Variants in ZNF479 observed in about 807,000 individuals in gnomAD.
The protein encoded by ZNF479 is zinc finger protein 479.
ZNF479 carries 15 observed loss-of-function variants against 14.7 expected under a neutral mutation model. That is an observed-to-expected ratio of 1.02 (90% CI 0.68 to 1.57). ZNF479 has a LOEUF of 1.57. Among genes scored for constraint, ZNF479 ranks in the 40% most tolerant of loss-of-function variants. ZNF479 has a pLI of 0.00. For synonymous variants in ZNF479, 145 were observed against 211.5 expected (o/e 0.69, Z 2.73); for missense variants, 506 against 615.1 (o/e 0.82, Z 1.88).
chr7:57,133,259 A>G (rs967560076), upstream of ZNF479, among the ~76,000 whole-genome samples: 45 of 152,332 alleles, frequency 3.0e-4, no homozygotes, highest in Non-Finnish European at 5.0e-4. Context: ...GACACCTGAC[A>G]GTTTAAAAAT....
intron 1 of ZNF479, among the ~76,000 whole-genome samples, 166 bp from the exon 2 acceptor site, chr7:57,126,884 G>A (rs1786191851): frequency 6.6e-6 from 1 of 152,032 alleles, no homozygotes; most frequent in Non-Finnish European, 1.5e-5. Context: ...TAACACTGAA[G>A]TATTCTCTAA....
In ZNF479 at chr7:57,126,689, T is replaced by G. The variant is rs773403889; in HGVS notation, c.69A>C (p.Ile23=). ...ATTGCCATTCCTCCAGAGAGAATTC[T>G]ATAGCTATGTCTCTGAATGTCAACA... ...MGLLTFRDIA[I]EFSLEEWQCL... Residue 23 remains isoleucine (I), a synonymous_variant, in exon 2 of 4, where the codon ATA becomes ATC. Coordinates refer to ENST00000319636, the MANE Select transcript of ZNF479 (RefSeq NM_001370129.2). 6.2e-7 allele frequency: 1 copy of G among 1,614,068 alleles called. No individual in the cohort carries two copies. The highest frequency in any genetic ancestry group is 1.1e-5 in the South Asian group (1 of 91,080).
upstream of ZNF479, among the ~76,000 whole-genome samples, chr7:57,133,137 GA>G (rs1004713736): frequency 3.3e-5 from 5 of 151,498 alleles, no homozygotes; most frequent in Non-Finnish European, 5.9e-5. Context: ...TCCTCTGAAA[GA>G]AAAAAAAATT....
In ZNF479 at chr7:57,120,837, G is replaced by A. The variant is rs1554400396; in HGVS notation, c.578C>T (p.Ser193Leu). The change falls in exon 4 of 4, where the codon TCA (serine) becomes TTA (leucine). Residue 193 changes from serine (S) to leucine (L), a missense_variant. Around this residue, in one of 3 missense-constraint regions of ZNF479, gnomAD observed 420 missense variants for 474.2 expected, o/e 0.89. Coordinates refer to ENST00000319636, the MANE Select transcript of ZNF479 (RefSeq NM_001370129.2). ...ATTTAGGTGTGAAAGCATGCAAAAT[G>A]ATTTGCCATATTTGTTACATTTGAA... Reference protein sequence around the residue: ...KHFKCNKYGKSFCMLSHLNQH... With the variant: ...KHFKCNKYGKLFCMLSHLNQH... The A allele has an allele frequency of 1.2e-6, 2 of 1,613,484 alleles. No individual in the cohort carries two copies. The highest frequency in any genetic ancestry group is 2.2e-5 in the East Asian group (1 of 44,874).
At chr7:57,125,226 A>G (rs1206120750) in intron 3 of ZNF479, among the ~76,000 whole-genome samples, 1 of 152,230 alleles carries the variant, frequency 6.6e-6, no homozygotes, top group African/African-American at 2.4e-5. Context: ...TACATCAATT[A>G]GGATGGCCAC....
At position 57,132,341 on chromosome 7, in the gene ZNF479, G is replaced by A. The variant is rs1786470756; in HGVS notation, c.-17C>T. ...TTTAGCCATAAATCTGCAGATACCT[G>A]CAGGACACAAGGACACATAGGCTTG... On this transcript the variant is annotated 5_prime_UTR_variant, in exon 1 of 4. The change creates a premature stop within an existing upstream ORF in the 5' untranslated region. Coordinates refer to ENST00000319636, the MANE Select transcript of ZNF479 (RefSeq NM_001370129.2). 1 of 1,614,066 alleles carries A rather than the reference G, an allele frequency of 6.2e-7. No homozygotes were observed. The highest frequency in any genetic ancestry group is 2.2e-5 in the East Asian group (1 of 44,874).
At chr7:57,122,537 A>C (rs1443448302) in intron 3 of ZNF479, among the ~76,000 whole-genome samples, 2 of 152,124 alleles carry the variant, frequency 1.3e-5, no homozygotes, top group Non-Finnish European at 2.9e-5. Flanking sequence ...TTATTCTTTA[A>C]AATTTGAAAA....
At chr7:57,136,015 T>TCTCTCTCTC (rs1786640769), upstream of ZNF479, among the ~76,000 whole-genome samples, 1 of 114,350 alleles carries the variant, frequency 8.7e-6, no homozygotes, top group South Asian at 2.7e-4. Flanking sequence ...CTCTCTCTCT[T>TCTCTCTCTC]TCCTTTCCTA....
chr7:57,120,070 A>T lies in ZNF479; in HGVS notation c.1345T>A (p.Ser449Thr). 3.1e-6 allele frequency: 5 copies of T among 1,613,782 alleles called. No homozygotes were observed. The highest frequency in any genetic ancestry group is 4.2e-6 in the Non-Finnish European group (5 of 1,179,936). ...CEECGKAFSL[S>T]STLTDHKRIH... The stretch of plus-strand genomic sequence containing the variant: ...CTCTTGTGGTCAGTGAGGGTTGAGG[A>T]TAAGCTAAAGGCTTTGCCACATTCT... The change falls in exon 4 of 4, where the codon TCC (serine) becomes ACC (threonine). Residue 449 changes from serine to threonine, a missense_variant. Physicochemically the swap from Ser to Thr is moderately conservative, Grantham distance 58. Coordinates refer to ENST00000319636, the MANE Select transcript of ZNF479 (RefSeq NM_001370129.2).
chr7:57,122,841 C>A (rs1273450837), intron 3 of ZNF479, among the ~76,000 whole-genome samples: 6 of 151,924 alleles, frequency 3.9e-5, no homozygotes, highest in Non-Finnish European at 5.9e-5. Flanking sequence ...ATTATTATGT[C>A]TATCTATATG....
intron 1 of ZNF479, among the ~76,000 whole-genome samples, chr7:57,130,366 CA>C (rs1786361320): frequency 6.6e-6 from 1 of 151,844 alleles, no homozygotes; most frequent in South Asian, 2.1e-4. Flanking sequence ...CCAGCTACTC[CA>C]AAGGCTGAGG....
At chr7:57,127,301 G>A (rs1215527054) in intron 1 of ZNF479, among the ~76,000 whole-genome samples, 1 of 152,130 alleles carries the variant, frequency 6.6e-6, no homozygotes, top group Admixed American at 6.5e-5. Flanking sequence ...GGGATGGCAG[G>A]CATGAGCCAC....
chr7:57,126,076 C>A lies in ZNF479; in HGVS notation c.204G>T (p.Leu68=), dbSNP rs754129214. Residue 68 remains leucine (L), a synonymous_variant, in exon 3 of 4, where the codon CTG becomes CTT. Coordinates refer to ENST00000319636, the MANE Select transcript of ZNF479 (RefSeq NM_001370129.2). ...AVSKPDLITC[L]EQNKESQNIK... The stretch of plus-strand genomic sequence containing the variant: ...TATTCTGGGACTCTTTATTTTGCTC[C>A]AGACAGGTGATCAAGTCTGGCTTAG... The A allele has an allele frequency of 6.2e-7, 1 of 1,603,480 alleles. No individual in the cohort carries two copies. The highest frequency in any genetic ancestry group is 1.3e-5 in the African/African-American group (1 of 74,700).
chr7:57,128,027 C>A (rs978417934), intron 1 of ZNF479, among the ~76,000 whole-genome samples: 27 of 151,524 alleles, frequency 1.8e-4, no homozygotes, highest in African/African-American at 5.6e-4. Context: ...CCTCAACTTC[C>A]TGAGTTCAAG....
intron 3 of ZNF479, among the ~76,000 whole-genome samples, chr7:57,122,851 G>A (rs1342594333): frequency 6.6e-6 from 1 of 151,906 alleles, no homozygotes; most frequent in Admixed American, 6.6e-5. Context: ...CTATCTATAT[G>A]TATATGCATA....
upstream of ZNF479, chr7:57,132,461 C>G (rs1483938407): frequency 7.5e-7 from 1 of 1,339,822 alleles, no homozygotes; most frequent in East Asian, 2.4e-5. Context: ...CGGAAGTAGC[C>G]TGTTCTTTCC....
chr7:57,135,114 G>T (rs1308322187), upstream of ZNF479, among the ~76,000 whole-genome samples: 1 of 152,182 alleles, frequency 6.6e-6, no homozygotes, highest in Admixed American at 6.5e-5. Context: ...GAAATAGACT[G>T]AATTACCAAT....
intron 1 of ZNF479, 35 bp from the exon 2 acceptor site, chr7:57,126,753 C>T: frequency 6.2e-7 from 1 of 1,613,608 alleles, no homozygotes; most frequent in Non-Finnish European, 8.5e-7. Context: ...CTCATGAACA[C>T]ACAAGCACTT....
upstream of ZNF479, among the ~76,000 whole-genome samples, chr7:57,136,716 C>T (rs939255672): frequency 2.6e-5 from 4 of 152,122 alleles, no homozygotes; most frequent in Non-Finnish European, 4.4e-5. Context: ...AGTGGCAGCC[C>T]GGGTTCAGGG....
Sources: allele counts gnomAD v4.1 joint callset (sites outside exome capture counted in the v4.1 genomes callset), GRCh38; gene constraint gnomAD v4.1.1; regional missense constraint gnomAD v4.1.1; transcripts MANE v1.5; gene names NCBI Gene and HGNC (gene_info 2026-07-23, HGNC 2026-07-21).